Variants in ATXN2 observed in about 807,000 individuals in gnomAD.
ATXN2 encodes ataxin 2, also known as ataxin-2.
ATXN2 carries 37 observed loss-of-function variants against 138.6 expected under a neutral mutation model. The observed-to-expected ratio is 0.27, with a 90% CI of 0.21 to 0.35. ATXN2 has a LOEUF of 0.35. Ranked by LOEUF, ATXN2 falls within the 10% of genes least tolerant of loss-of-function variation. ATXN2 has a pLI of 1.00. For missense variants in ATXN2, 1,216 were observed against 1,480.3 expected (o/e 0.82, Z 2.93); for synonymous variants, 549 against 543.7 (o/e 1.01, Z -0.13).
chr12:111,586,148 G>T (rs1467613448), intron 1 of ATXN2, among the ~76,000 whole-genome samples: 1 of 151,594 alleles, frequency 6.6e-6, no homozygotes, highest in African/African-American at 2.4e-5. Flanking sequence ...CAGGTAATCT[G>T]CCTGCTTCAG....
intron 21 of ATXN2, among the ~76,000 whole-genome samples, chr12:111,459,390 C>T (rs1250677879): frequency 1.3e-5 from 2 of 152,154 alleles, no homozygotes; most frequent in Non-Finnish European, 2.9e-5. Flanking sequence ...ATGTAAATTT[C>T]GAACCTGAGT....
At chr12:111,511,815 T>C (rs1398920742) in intron 11 of ATXN2, 1 of 152,078 alleles carries the variant, frequency 6.6e-6, no homozygotes, top group East Asian at 1.9e-4. Context: ...TTAAGATAAT[T>C]GAAGACCAAG....
At chr12:111,599,530 C>T, upstream of ATXN2, 3 of 1,208,052 alleles carry the variant, frequency 2.5e-6, no homozygotes, top group Non-Finnish European at 2.1e-6. Flanking sequence ...GGCGGGCGCG[C>T]CGAGGCGCCG....
intron 23 of ATXN2, 181 bp downstream of exon 23, chr12:111,455,848 C>T (rs1396594277): frequency 2.9e-6 from 2 of 684,972 alleles, no homozygotes; most frequent in African/African-American, 3.5e-5. Flanking sequence ...CTTCACTGAT[C>T]CCATGACAAA....
chr12:111,497,852 TA>T (rs1412287957), intron 14 of ATXN2, among the ~76,000 whole-genome samples: 1 of 151,860 alleles, frequency 6.6e-6, no homozygotes, highest in Non-Finnish European at 1.5e-5. Context: ...CCGTCTCTAC[TA>T]AAAATACAAA....
rs1323075585 is a variant in ATXN2, at chr12:111,516,853, T to C, written c.1166-490A>G. ...AATGCTGGTTCCTTACAATTATCTA[T>C]GATTTTCATCAGGTTTACACTTGAA... On this transcript the variant is annotated intron_variant, in intron 9 of 24. Transcript: ENST00000673436. The surrounding 1 kb of genome is among the most constrained non-coding windows in gnomAD (Gnocchi z 5.0). Among the ~76,000 whole-genome samples the C allele has an allele frequency of 1.3e-5, 2 of 152,214 alleles. No homozygotes were observed. The highest frequency in any genetic ancestry group is 4.8e-5 in the African/African-American group (2 of 41,464).
intron 1 of ATXN2, among the ~76,000 whole-genome samples, chr12:111,582,298 A>T (rs907327182): frequency 1.3e-5 from 2 of 152,074 alleles, no homozygotes; most frequent in Non-Finnish European, 2.9e-5. Context: ...ACAAAAAATT[A>T]ACCAGGCATG....
intron 1 of ATXN2, among the ~76,000 whole-genome samples, chr12:111,575,910 T>C (rs993470166): frequency 6.6e-6 from 1 of 151,770 alleles, no homozygotes; most frequent in African/African-American, 2.4e-5. Flanking sequence ...GGTGAAACCC[T>C]GTCTCTACTA....
chr12:111,546,930 T>C (rs1566056504), intron 5 of ATXN2, among the ~76,000 whole-genome samples: 1 of 152,234 alleles, frequency 6.6e-6, no homozygotes, highest in Non-Finnish European at 1.5e-5. Context: ...GTAAAGGTAC[T>C]TTCAGTTTCT....
intron 18 of ATXN2, among the ~76,000 whole-genome samples, chr12:111,473,482 G>A (rs1169822273): frequency 6.6e-6 from 1 of 152,030 alleles, no homozygotes; most frequent in Admixed American, 6.6e-5. Flanking sequence ...AGCTGGATAT[G>A]GGAAAGTTTT....
chr12:111,453,899 A>T lies in ATXN2; in HGVS notation c.3271-54T>A. ...AGGCAACATCTCCGGCTTCAACAAC[A>T]TGTCAACTGTGTTCCTTTCACTGGG... On this transcript the variant is annotated intron_variant, in intron 23 of 24. Transcript: ENST00000673436. The surrounding 1 kb of genome is among the most constrained non-coding windows in gnomAD (Gnocchi z 5.4). 2 of 1,535,428 alleles carry T rather than the reference A, an allele frequency of 1.3e-6. No homozygotes were observed. Among genetic ancestry groups the T allele is most frequent in the Non-Finnish European group, 1.8e-6 (2 of 1,129,738 alleles).
rs1361964328 is a variant in ATXN2 at position 111,485,837 on chromosome 12, G to A, written c.2333C>T (p.Pro778Leu). The change falls in exon 17 of 25, where the codon CCT becomes CTT. Residue 778 changes from proline to leucine, a missense_variant. Transcript: ENST00000673436. Reference protein sequence around the residue: ...QPKPSTTPTSPRPQAQPSPSM... With the variant: ...QPKPSTTPTSLRPQAQPSPSM... ...TGGGCTAGGTTGTGCTTGAGGCCGA[G>A]GTGAAGTTGGGGTAGTAGAAGGCTT... 6.2e-7 allele frequency: 1 copy of A among 1,613,808 alleles called. No homozygotes were observed. Among genetic ancestry groups the A allele is most frequent in the African/African-American group, 1.3e-5 (1 of 74,906 alleles).
chr12:111,598,412 G>C lies in ATXN2; in HGVS notation c.251+372C>G. 1 of 985,704 alleles carries C rather than the reference G, an allele frequency of 1.0e-6. No homozygotes were observed. Among genetic ancestry groups the C allele is most frequent in the Non-Finnish European group, 1.2e-6 (1 of 830,178 alleles). The allele number at this position is 985,704 out of a possible 1,614,324, so 61.1% of individuals were successfully genotyped here. A position where few individuals can be genotyped will look rare whatever the true frequency, so the allele number is the denominator to read the frequency against. ...TCACACCTAAACCGGGAGTGGAGGA[G>C]CTGCCCGAGCATCCCCACGCTGCGG... On this transcript the variant is annotated intron_variant, in intron 1 of 24. Coordinates refer to ENST00000673436, the MANE Select transcript of ATXN2 (RefSeq NM_001372574.1). This position sits in a 1 kb window ranked among gnomAD's most constrained non-coding sequence, Gnocchi z 4.5.
chr12:111,484,146 A>C (rs1877468573), intron 18 of ATXN2, among the ~76,000 whole-genome samples: 1 of 152,188 alleles, frequency 6.6e-6, no homozygotes, highest in Non-Finnish European at 1.5e-5. Flanking sequence ...GCTTCAAAAG[A>C]AATTCTGGCT....
At chr12:111,524,988 T>C (rs1225652236) in intron 6 of ATXN2, among the ~76,000 whole-genome samples, 2 of 152,372 alleles carry the variant, frequency 1.3e-5, no homozygotes, top group East Asian at 3.9e-4. Flanking sequence ...CAGACAGTAC[T>C]CCTGCTTAAC....
At position 111,593,169 on chromosome 12, in the gene ATXN2, G is replaced by A. The variant is rs144458056; in HGVS notation, c.251+5615C>T. Among the ~76,000 whole-genome samples the A allele has an allele frequency of 9.7e-4, 147 of 151,892 alleles. 2 individuals are homozygous for A. Among genetic ancestry groups the A allele is most frequent in the African/African-American group, 3.2e-3 (132 of 41,424 alleles). On this transcript the variant is annotated intron_variant, in intron 1 of 24. Coordinates refer to ENST00000673436, the MANE Select transcript of ATXN2 (RefSeq NM_001372574.1). Reference sequence around the variant, plus strand: ...ATGATCTCAGCTCACTGCAACCTCCGCACTCATTGCAACCTCCGGGATCAA... The same window carrying A: ...ATGATCTCAGCTCACTGCAACCTCCACACTCATTGCAACCTCCGGGATCAA...
rs748551882 is a variant in ATXN2, at chr12:111,470,130, A to T, written c.2820T>A (p.His940Gln). Residue 940 changes from histidine to glutamine, a missense_variant, in exon 20 of 25, where the codon CAT becomes CAA. His to Gln is a conservative substitution (Grantham distance 24, BLOSUM62 0). Around this residue, in one of 4 missense-constraint regions of ATXN2, gnomAD observed 490 missense variants for 653.5 expected, o/e 0.75. Coordinates refer to ENST00000673436, the MANE Select transcript of ATXN2 (RefSeq NM_001372574.1). Reference sequence around the variant, plus strand: ...TACCATACATCGCATGCGTCTGCTCATGAGCCCCGTACTGAGTTGCTGAAG... The same window carrying T: ...TACCATACATCGCATGCGTCTGCTCTTGAGCCCCGTACTGAGTTGCTGAAG... ...VSSSATQYGA[H>Q]EQTHAMYACP... 1 of 1,614,150 alleles carries T rather than the reference A, an allele frequency of 6.2e-7. No homozygotes were observed. The highest frequency in any genetic ancestry group is 2.2e-5 in the East Asian group (1 of 44,882).
rs538760352 is a variant in ATXN2, at chr12:111,551,746, T to C, written c.571+534A>G. ...GTAGAAAATGCTTTACAAACTAATTTTTTAAGAGATCACAAAAACTCTATT... is the reference window on the plus strand; with the variant it reads ...GTAGAAAATGCTTTACAAACTAATTCTTTAAGAGATCACAAAAACTCTATT... On this transcript the variant is annotated intron_variant, in intron 5 of 24. Coordinates refer to ENST00000673436, the MANE Select transcript of ATXN2 (RefSeq NM_001372574.1). Among the ~76,000 whole-genome samples, 4 of 152,330 alleles carry C rather than the reference T, an allele frequency of 2.6e-5. No individual in the cohort carries two copies. The East Asian group carries it at 7.7e-4, about 29-fold the overall frequency.
intron 1 of ATXN2, among the ~76,000 whole-genome samples, chr12:111,593,105 CAG>C (rs1026142405): frequency 6.6e-6 from 1 of 151,788 alleles, no homozygotes; most frequent in African/African-American, 2.4e-5. Context: ...TGTTTTGAGA[CAG>C]AGTCTCGCTC....
Sources: allele counts gnomAD v4.1 joint callset (sites outside exome capture counted in the v4.1 genomes callset), GRCh38; gene constraint gnomAD v4.1.1; regional missense constraint gnomAD v4.1.1; non-coding constraint Gnocchi (gnomAD v3.1); transcripts MANE v1.5; gene names NCBI Gene and HGNC (gene_info 2026-07-23, HGNC 2026-07-21).